LEKR1: variants seen among roughly 807,000 people sequenced by gnomAD.
The protein encoded by LEKR1 is leucine, glutamate and lysine rich 1.
Under a neutral mutation model 72.4 loss-of-function variants are expected in LEKR1, and 59 were observed. That is an observed-to-expected ratio of 0.82 (90% CI 0.66 to 1.01). LEKR1 has a LOEUF of 1.01. Ranked by LOEUF, LEKR1 falls within the 50% of genes least tolerant of loss-of-function variation. LEKR1 has a pLI of 0.00. For missense variants in LEKR1, 728 were observed against 759.2 expected (o/e 0.96, Z 0.48); for synonymous variants, 257 against 263.2 (o/e 0.98, Z 0.23).
intron 3 of LEKR1, among the ~76,000 whole-genome samples, chr3:156,857,382 A>G (rs1425293202): frequency 1.2e-4 from 18 of 152,146 alleles, no homozygotes. Flanking sequence ...TCTGTGAATT[A>G]TCCCTTAAAT....
chr3:157,041,462 C>G (rs558755214), intron 12 of LEKR1, among the ~76,000 whole-genome samples: 8 of 152,218 alleles, frequency 5.3e-5, no homozygotes, highest in African/African-American at 1.9e-4. Flanking sequence ...AGTCAAAACC[C>G]TAGTATTAGC....
At position 156,852,813 on chromosome 3, in the gene LEKR1, C is replaced by T; in HGVS notation, c.94C>T (p.Leu32=). ...KVCKYCGVSY[L]ILHEFKAMEE... The stretch of plus-strand genomic sequence containing the variant: ...TTGTAAGTACTGTGGAGTCAGCTAT[C>T]TAATTCTTCATGAATTTAAGGCTAT... The change falls in exon 3 of 13, where the codon CTA becomes TTA. Residue 32 remains leucine, a synonymous_variant. Coordinates refer to ENST00000356539, the MANE Select transcript of LEKR1 (RefSeq NM_001004316.3). 6.5e-7 allele frequency: 1 copy of T among 1,535,080 alleles called. No homozygotes were observed. Among genetic ancestry groups the T allele is most frequent in the South Asian group, 1.2e-5 (1 of 83,882 alleles).
At chr3:157,031,893 A>T (rs1323191883) in intron 12 of LEKR1, among the ~76,000 whole-genome samples, 1 of 152,178 alleles carries the variant, frequency 6.6e-6, no homozygotes, top group Admixed American at 6.6e-5. Context: ...GGCCTTCCTA[A>T]GTGGAGCAGG....
chr3:156,955,281 T>C (rs1047479907), intron 6 of LEKR1, among the ~76,000 whole-genome samples: 1 of 152,018 alleles, frequency 6.6e-6, no homozygotes, highest in Non-Finnish European at 1.5e-5. Context: ...TAGGATCATG[T>C]TATGTGCAAA....
At chr3:156,874,635 C>A (rs1718350907) in intron 3 of LEKR1, among the ~76,000 whole-genome samples, 1 of 151,980 alleles carries the variant, frequency 6.6e-6, no homozygotes, top group South Asian at 2.1e-4. Flanking sequence ...GTGTGTTCAT[C>A]ACCTGAGCAG....
intron 3 of LEKR1, among the ~76,000 whole-genome samples, chr3:156,899,119 A>G (rs933935542): frequency 1.3e-5 from 2 of 151,884 alleles, no homozygotes; most frequent in East Asian, 1.9e-4. Context: ...AGGAACCACT[A>G]TAATTTTGGA....
In LEKR1 at chr3:156,993,115, C is replaced by T; in HGVS notation, c.947C>T (p.Thr316Ile). Residue 316 changes from threonine to isoleucine, a missense_variant, in exon 9 of 13, where the codon ACT becomes ATT. Physicochemically the swap from Thr to Ile is moderately conservative, Grantham distance 89. Transcript: ENST00000356539. ...LLKEKEDSLM[T>I]CQQIYKALQE... The stretch of plus-strand genomic sequence containing the variant: ...AAGGAAAAAGAAGACTCTTTAATGA[C>T]TTGTCAACAGATATATAAAGCATTA... 1 of 1,610,018 alleles carries T rather than the reference C, an allele frequency of 6.2e-7. No homozygotes were observed. Among genetic ancestry groups the T allele is most frequent in the Non-Finnish European group, 8.5e-7 (1 of 1,178,522 alleles).
intron 10 of LEKR1, among the ~76,000 whole-genome samples, chr3:157,020,810 G>A (rs1014615441): frequency 6.6e-6 from 1 of 151,944 alleles, no homozygotes; most frequent in African/African-American, 2.4e-5. Context: ...GGGATTGCTG[G>A]GTCAAATGGT....
chr3:157,038,162 C>T (rs572481635), intron 12 of LEKR1, among the ~76,000 whole-genome samples: 2 of 152,194 alleles, frequency 1.3e-5, no homozygotes, highest in South Asian at 4.2e-4. Flanking sequence ...GAGAGCAAGG[C>T]TGTGAAGGAG....
intron 9 of LEKR1, among the ~76,000 whole-genome samples, chr3:157,000,049 A>G (rs1257070055): frequency 6.6e-6 from 1 of 152,130 alleles, no homozygotes; most frequent in Non-Finnish European, 1.5e-5. Context: ...ACCATGTTGT[A>G]ACACTGAGTC....
chr3:156,993,122 A>C lies in LEKR1; in HGVS notation c.954A>C (p.Gln318His), dbSNP rs1168529138. The change falls in exon 9 of 13, where the codon CAA becomes CAC. Residue 318 changes from glutamine (Q) to histidine (H), a missense_variant. Gln to His is a conservative substitution (Grantham distance 24, BLOSUM62 0). Coordinates refer to ENST00000356539, the MANE Select transcript of LEKR1 (RefSeq NM_001004316.3). ...KEKEDSLMTC[Q>H]QIYKALQEEL... ...AAGAAGACTCTTTAATGACTTGTCAACAGATATATAAAGCATTACAGGAAG... is the reference window on the plus strand; with the variant it reads ...AAGAAGACTCTTTAATGACTTGTCACCAGATATATAAAGCATTACAGGAAG... 1 of 1,611,238 alleles carries C rather than the reference A, an allele frequency of 6.2e-7. No homozygotes were observed.
intron 3 of LEKR1, among the ~76,000 whole-genome samples, chr3:156,907,251 C>A (rs933521719): frequency 6.6e-6 from 1 of 151,958 alleles, no homozygotes; most frequent in African/African-American, 2.4e-5. Flanking sequence ...CATTTCTATT[C>A]TTTTTCTAAA....
In LEKR1 at chr3:156,856,632, T is replaced by A. The variant is rs1484000525; in HGVS notation, c.263+3650T>A. ...GTTCTTTAAATCCTTCAATACAATTTTATAATTTTTAAATACATCGTGTAT... is the reference window on the plus strand; with the variant it reads ...GTTCTTTAAATCCTTCAATACAATTATATAATTTTTAAATACATCGTGTAT... On this transcript the variant is annotated intron_variant, in intron 3 of 12. Transcript: ENST00000356539. 2.0e-5 allele frequency among the ~76,000 whole-genome samples: 3 copies of A among 152,160 alleles called. No individual in the cohort carries two copies. In the East Asian group the frequency reaches 5.8e-4, roughly 29 times the overall value.
chr3:156,906,744 A>G (rs372922714), intron 3 of LEKR1, among the ~76,000 whole-genome samples: 6 of 152,360 alleles, frequency 3.9e-5, no homozygotes, highest in South Asian at 2.1e-4. Context: ...ATGTGACCAC[A>G]CATCTCAGAG....
intron 10 of LEKR1, among the ~76,000 whole-genome samples, chr3:157,013,371 T>C (rs1733057729): frequency 6.6e-6 from 1 of 152,174 alleles, no homozygotes; most frequent in Non-Finnish European, 1.5e-5. Context: ...CACTGTACCC[T>C]GTCCTTGAGG....
At chr3:157,025,368 TC>T (rs1337391076) in intron 11 of LEKR1, among the ~76,000 whole-genome samples, 2 of 152,172 alleles carry the variant, frequency 1.3e-5, no homozygotes, top group Non-Finnish European at 2.9e-5. Context: ...TAATTACACC[TC>T]CCTAAATTTC....
intron 6 of LEKR1, among the ~76,000 whole-genome samples, chr3:156,942,953 A>G (rs76291347): frequency 6.6e-6 from 1 of 151,974 alleles, no homozygotes; most frequent in African/African-American, 2.4e-5. Context: ...AGACATTTCA[A>G]CTGCAACGTA....
chr3:156,878,026 C>T (rs1452593305), intron 3 of LEKR1, among the ~76,000 whole-genome samples: 1 of 152,064 alleles, frequency 6.6e-6, no homozygotes. Context: ...TGTGATCTGC[C>T]TGCCTCAGCC....
chr3:156,883,780 A>T (rs1263365777), intron 3 of LEKR1, among the ~76,000 whole-genome samples: 1 of 152,098 alleles, frequency 6.6e-6, no homozygotes, highest in East Asian at 1.9e-4. Flanking sequence ...GTAAATCCTT[A>T]AATCTCTTTT....
Sources: allele counts gnomAD v4.1 joint callset (sites outside exome capture counted in the v4.1 genomes callset), GRCh38; gene constraint gnomAD v4.1.1; transcripts MANE v1.5; gene names NCBI Gene and HGNC (gene_info 2026-07-23, HGNC 2026-07-21).